The following DPP6 variants were observed in gnomAD, a reference collection of about 807,000 sequenced individuals.
The protein encoded by DPP6 is A-type potassium channel modulatory protein DPP6.
In DPP6, 69 loss-of-function variants were observed where a neutral mutation model predicts 122.6. The ratio of observed to expected loss-of-function variants is 0.56; its 90% CI spans 0.46 to 0.69. The LOEUF is 0.69. Ranked by LOEUF, DPP6 falls within the 30% of genes least tolerant of loss-of-function variation. The probability of loss-of-function intolerance (pLI) is 0.00; values close to 1 mark genes in which losing one functional copy is unlikely to be tolerated. For synonymous variants in DPP6, 418 were observed against 433.1 expected, an observed-to-expected ratio of 0.97 and a Z score of 0.43; for missense variants, 928 against 1,116.9, an observed-to-expected ratio of 0.83 and a Z score of 2.41.
intron 1 of DPP6, among the ~76,000 whole-genome samples, chr7:154,437,024 C>A (rs1231276331): frequency 6.6e-6 from 1 of 152,182 alleles, no homozygotes; most frequent in Non-Finnish European, 1.5e-5. Flanking sequence ...CATTCTGTTA[C>A]ATGGAATACA....
At chr7:154,150,808 G>A (rs1249099503) in intron 1 of DPP6, among the ~76,000 whole-genome samples, 2 of 152,168 alleles carry the variant, frequency 1.3e-5, no homozygotes, top group East Asian at 3.9e-4. Flanking sequence ...AGTATCAGGA[G>A]CCTGGTGATT....
intron 3 of DPP6, among the ~76,000 whole-genome samples, chr7:154,487,190 T>C (rs1231543871): frequency 2.6e-5 from 4 of 152,218 alleles, no homozygotes; most frequent in Non-Finnish European, 5.9e-5. Flanking sequence ...TGTGTGTATA[T>C]ACGTGTATAC....
Position 154,046,650 on chromosome 7 carries a change from C to T in DPP6, c.51+158916C>T. Among the ~76,000 whole-genome samples the T allele has an allele frequency of 1.3e-5, 2 of 152,202 alleles. 1 individual carries two copies. The highest frequency in any genetic ancestry group is 2.9e-5 in the Non-Finnish European group (2 of 68,046). On this transcript the variant is annotated intron_variant, in intron 1 of 25. Transcript: ENST00000404039. ...ACGTAAAGGAAGACTCTTTCCTCTT[C>T]CCTCCTTATGTTTCACAGTCATTGT... is the stretch of plus-strand genomic sequence containing the variant.
chr7:154,204,295 A>G (rs573564585), intron 1 of DPP6, among the ~76,000 whole-genome samples: 44 of 152,306 alleles, frequency 2.9e-4, no homozygotes, highest in African/African-American at 8.9e-4. Flanking sequence ...TTAGTGAGGA[A>G]CTAAACTGCT....
rs1489859856 is a variant in DPP6, at chr7:154,760,761, G to A, written c.884-8656G>A. On this transcript the variant is annotated intron_variant, in intron 8 of 25. Transcript: ENST00000377770. The surrounding 1 kb of genome is among the most constrained non-coding windows in gnomAD (Gnocchi z 4.5). Reference sequence around the variant, plus strand: ...CTCAGGTGCCCACAACACAAATGAAGAGGAAAGAGAGAAGACAAAACAAAA... The same window carrying A: ...CTCAGGTGCCCACAACACAAATGAAAAGGAAAGAGAGAAGACAAAACAAAA... Among the ~76,000 whole-genome samples the A allele has an allele frequency of 3.3e-5, 5 of 152,004 alleles. No homozygotes were observed. The East Asian group carries it at 7.7e-4, about 23-fold the overall frequency.
At chr7:154,071,434 G>A (rs1473389151) in intron 1 of DPP6, among the ~76,000 whole-genome samples, 2 of 152,224 alleles carry the variant, frequency 1.3e-5, no homozygotes, top group Admixed American at 1.3e-4. Context: ...TTCTAAAGCC[G>A]TATTCCTTCC....
At chr7:154,226,510 G>T (rs1017372029) in intron 1 of DPP6, among the ~76,000 whole-genome samples, 3 of 152,122 alleles carry the variant, frequency 2.0e-5, no homozygotes, top group African/African-American at 7.2e-5. Flanking sequence ...TTCTTCGGGG[G>T]GCCTTTCTAA....
At chr7:154,499,760 G>A (rs1825067876) in intron 3 of DPP6, among the ~76,000 whole-genome samples, 1 of 151,870 alleles carries the variant, frequency 6.6e-6, no homozygotes, top group Non-Finnish European at 1.5e-5. Context: ...AACCCCCCCA[G>A]ATCCCATACA....
At chr7:154,135,622 C>T (rs1462350176) in intron 1 of DPP6, among the ~76,000 whole-genome samples, 2 of 151,888 alleles carry the variant, frequency 1.3e-5, no homozygotes, top group Non-Finnish European at 2.9e-5. Flanking sequence ...ATGATATACA[C>T]TTCCTGTGAG....
intron 1 of DPP6, among the ~76,000 whole-genome samples, chr7:154,141,587 C>A (rs549127411): frequency 1.3e-5 from 2 of 152,338 alleles, no homozygotes; most frequent in South Asian, 4.1e-4. Context: ...CCTTTGGTCC[C>A]AGTAGGTACT....
intron 1 of DPP6, among the ~76,000 whole-genome samples, chr7:154,422,357 G>A (rs1817536009): frequency 1.3e-5 from 2 of 152,166 alleles, no homozygotes; most frequent in African/African-American, 4.8e-5. Flanking sequence ...GCTTCCCATA[G>A]AAGCAAATTT....
intron 2 of DPP6, among the ~76,000 whole-genome samples, chr7:154,458,112 A>T (rs1421336007): frequency 1.3e-5 from 2 of 152,172 alleles, no homozygotes; most frequent in Admixed American, 6.5e-5. Flanking sequence ...GCTGGAAGAG[A>T]CAAAGAACAG....
chr7:154,064,947 G>A (rs1167487293), intron 1 of DPP6, among the ~76,000 whole-genome samples: 2 of 152,142 alleles, frequency 1.3e-5, no homozygotes, highest in Non-Finnish European at 2.9e-5. Context: ...AGACCTTGCA[G>A]CGTCTCCTCC....
At chr7:154,463,509 C>A (rs1422892864) in intron 2 of DPP6, among the ~76,000 whole-genome samples, 1 of 152,080 alleles carries the variant, frequency 6.6e-6, no homozygotes, top group Admixed American at 6.5e-5. Flanking sequence ...GCCCAGCCTA[C>A]TTCTCCTTTT....
chr7:154,404,294 A>G (rs1267241211), intron 1 of DPP6, among the ~76,000 whole-genome samples: 2 of 152,252 alleles, frequency 1.3e-5, no homozygotes, highest in Admixed American at 6.5e-5. Flanking sequence ...CATGTAAATA[A>G]GAATAATGAT....
intron 1 of DPP6, among the ~76,000 whole-genome samples, chr7:153,945,187 G>A (rs906517847): frequency 4.6e-5 from 7 of 152,164 alleles, no homozygotes; most frequent in African/African-American, 9.7e-5. Flanking sequence ...TTAGAATGCT[G>A]CCTGGCTTGG....
At chr7:153,863,625 A>C in the DPP6 span, among the ~76,000 whole-genome samples, 1 of 152,164 alleles carries the variant, frequency 6.6e-6, no homozygotes, top group African/African-American at 2.4e-5. Flanking sequence ...TGATTTTTTT[A>C]GTATGCTTAC....
intron 3 of DPP6, among the ~76,000 whole-genome samples, chr7:154,479,437 A>T (rs1386475391): frequency 6.6e-6 from 1 of 151,912 alleles, no homozygotes. Context: ...GCACACCTGT[A>T]GTCCCAGCTA....
chr7:153,770,468 C>T, the DPP6 span, among the ~76,000 whole-genome samples: 4 of 152,120 alleles, frequency 2.6e-5, no homozygotes, highest in East Asian at 1.9e-4. Flanking sequence ...TAAACAATAA[C>T]GAATCCCAAA....
Sources: allele counts gnomAD v4.1 joint callset (sites outside exome capture counted in the v4.1 genomes callset), GRCh38; gene constraint gnomAD v4.1.1; non-coding constraint Gnocchi (gnomAD v3.1); transcripts MANE v1.5; gene names NCBI Gene and HGNC (gene_info 2026-07-23, HGNC 2026-07-21).